ACSL4: variants seen among roughly 807,000 people sequenced by gnomAD.
The protein encoded by ACSL4 is acyl-CoA synthetase long chain family member 4, also known as long-chain-fatty-acid--CoA ligase 4.
Under a neutral mutation model 49.1 loss-of-function variants are expected in ACSL4, and 9 were observed. The observed-to-expected ratio is 0.18, with a 90% CI of 0.11 to 0.32. The LOEUF (loss-of-function observed/expected upper bound fraction) is 0.32, where lower values mean the gene tolerates loss of function less well. Ranked by LOEUF, ACSL4 falls within the 10% of genes least tolerant of loss-of-function variation. The pLI, the probability that ACSL4 is intolerant of heterozygous loss-of-function variation, is 1.00. For synonymous variants in ACSL4, 191 were observed against 170.3 expected (o/e 1.12, Z -0.95); for missense variants, 333 against 493.7 (o/e 0.67, Z 3.08).
chrX:109,674,263 C>A, intron 9 of ACSL4, 139 bp downstream of exon 9: 1 of 564,480 alleles, frequency 1.8e-6, no homozygotes, highest in Non-Finnish European at 3.0e-6. Context: ...TTAATGAACA[C>A]ATTTGCTGTG....
rs372250472 is a variant in ACSL4, at chrX:109,682,880, T to A, written c.245A>T (p.Tyr82Phe). ...KVFKKLILGNYKWMNYLEVNR... is the reference protein window; with the variant it reads ...KVFKKLILGNFKWMNYLEVNR... ...CACTTCAAGATAGTTCATCCATTTA[T>A]AATTCCCAAGAATTAACTGTTAAAG... The change falls in exon 4 of 16, where the codon TAT (tyrosine) becomes TTT (phenylalanine). Residue 82 changes from tyrosine to phenylalanine, a missense_variant. Transcript: ENST00000672401. 1.0e-4 allele frequency: 122 copies of A among 1,208,731 alleles called. No homozygotes were observed. Among genetic ancestry groups the A allele is most frequent in the Non-Finnish European group, 1.3e-4 (114 of 893,875 alleles).
chrX:109,646,029 C>T (rs1934674663), intron 15 of ACSL4, among the ~76,000 whole-genome samples: 2 of 111,641 alleles, frequency 1.8e-5, no homozygotes, highest in Admixed American at 9.5e-5. Flanking sequence ...TGTGAAAAGA[C>T]CAAATCTACA....
In ACSL4 at chrX:109,681,151, GAAAA is replaced by G. The variant is rs201395146; in HGVS notation, c.517-19_517-16del. The G allele has an allele frequency of 2.2e-5, 26 of 1,178,831 alleles. No homozygotes were observed. In the East Asian group the frequency reaches 6.4e-4, roughly 29 times the overall value. On this transcript the variant is annotated splice_polypyrimidine_tract_variant and intron_variant, in intron 5 of 15. Coordinates refer to ENST00000672401, the MANE Select transcript of ACSL4 (RefSeq NM_001318510.2). Reference sequence around the variant, plus strand: ...AACAATGCAGTCTGTTGAGCAGAAAGAAAAAAAAACAGCTATTAAACTTAAGCCT... The same window carrying G: ...AACAATGCAGTCTGTTGAGCAGAAAGAAAAACAGCTATTAAACTTAAGCCT...
At chrX:109,684,994 G>A (rs776173527) in intron 2 of ACSL4, among the ~76,000 whole-genome samples, 9 of 110,763 alleles carry the variant, frequency 8.1e-5, no homozygotes, top group Non-Finnish European at 1.7e-4. Flanking sequence ...ATTGGATTAT[G>A]TGGAAAGCTG....
At chrX:109,669,276 T>C (rs1922957464) in intron 9 of ACSL4, 103 bp from the exon 10 acceptor site, 7 of 584,600 alleles carry the variant, frequency 1.2e-5, no homozygotes, top group South Asian at 9.0e-5. Context: ...TTTAGCATAA[T>C]GGACATATTT....
At chrX:109,717,671 G>A (rs1483046280) in intron 1 of ACSL4, among the ~76,000 whole-genome samples, 1 of 110,945 alleles carries the variant, frequency 9.0e-6, no homozygotes, top group Non-Finnish European at 1.9e-5. Flanking sequence ...GGCAGTGCCG[G>A]TAAGAGCAAG....
chrX:109,674,264 A>G (rs1385109328), intron 9 of ACSL4, 138 bp downstream of exon 9: 11 of 565,498 alleles, frequency 1.9e-5, no homozygotes, highest in Non-Finnish European at 3.3e-5. Context: ...TAATGAACAC[A>G]TTTGCTGTGA....
At position 109,667,462 on chromosome X, in the gene ACSL4, C is replaced by G. The variant is rs368599459; in HGVS notation, c.1315+639G>C. Among the ~76,000 whole-genome samples, 25 of 112,674 alleles carry G rather than the reference C, an allele frequency of 2.2e-4. No homozygotes were observed. In the East Asian group the frequency reaches 4.7e-3, roughly 21 times the overall value. ...AGGGAAACCAAAGAAGAAGTTAGGA[C>G]AGGAACACAGATTTAAGAGGGAGCA... On this transcript the variant is annotated intron_variant, in intron 11 of 15. Coordinates refer to ENST00000672401, the MANE Select transcript of ACSL4 (RefSeq NM_001318510.2).
intron 1 of ACSL4, among the ~76,000 whole-genome samples, chrX:109,707,855 T>G (rs1253794454): frequency 2.7e-5 from 3 of 112,211 alleles, no homozygotes; most frequent in Non-Finnish European, 5.6e-5. Context: ...TGAAATTGGT[T>G]TAAGATGAAA....
chrX:109,722,051 G>A (rs1927603013), intron 1 of ACSL4, among the ~76,000 whole-genome samples: 1 of 112,009 alleles, frequency 8.9e-6, no homozygotes, highest in Admixed American at 9.5e-5. Context: ...GTATAGCTAT[G>A]TTGGGCCTTC....
At chrX:109,715,598 C>A (rs1927065171) in intron 1 of ACSL4, among the ~76,000 whole-genome samples, 2 of 110,537 alleles carry the variant, frequency 1.8e-5, no homozygotes, top group African/African-American at 6.6e-5. Context: ...TGAGATCATG[C>A]CACTGCACTC....
intron 2 of ACSL4, among the ~76,000 whole-genome samples, chrX:109,694,404 T>C (rs773131938): frequency 6.3e-5 from 7 of 111,930 alleles, no homozygotes; most frequent in Non-Finnish European, 1.1e-4. Flanking sequence ...TGGTAAGACC[T>C]GGAACAAATT....
At chrX:109,687,833 A>G (rs764554130) in intron 2 of ACSL4, among the ~76,000 whole-genome samples, 1 of 112,096 alleles carries the variant, frequency 8.9e-6, no homozygotes, top group South Asian at 3.7e-4. Context: ...TCTTCCTCTT[A>G]AATTCCATAG....
At chrX:109,680,117 T>C (rs1210990319) in intron 6 of ACSL4, among the ~76,000 whole-genome samples, 1 of 111,731 alleles carries the variant, frequency 9.0e-6, no homozygotes, top group East Asian at 2.8e-4. Context: ...TCCTCTCTTA[T>C]GACACAAATG....
chrX:109,659,644 G>C (rs1164239366), intron 14 of ACSL4, 133 bp from the exon 15 acceptor site: 1 of 467,169 alleles, frequency 2.1e-6, no homozygotes, highest in South Asian at 3.6e-5. Flanking sequence ...ATTAGGAAAT[G>C]ATAAAACCCA....
chrX:109,649,061 G>A (rs1193840995), intron 15 of ACSL4, among the ~76,000 whole-genome samples: 2 of 109,491 alleles, frequency 1.8e-5, no homozygotes, highest in Middle Eastern at 4.7e-3. Context: ...CCATGCTCAT[G>A]GGTAGGAAGA....
At chrX:109,716,708 T>G (rs1023883876) in intron 1 of ACSL4, among the ~76,000 whole-genome samples, 1 of 111,979 alleles carries the variant, frequency 8.9e-6, no homozygotes, top group African/African-American at 3.2e-5. Context: ...AAACAAGAAC[T>G]CTTAACAACA....
At chrX:109,693,477 T>G (rs1925193951) in intron 2 of ACSL4, among the ~76,000 whole-genome samples, 1 of 112,048 alleles carries the variant, frequency 8.9e-6, no homozygotes, top group African/African-American at 3.2e-5. Context: ...TAGCATTTCA[T>G]TTTGAGTATG....
chrX:109,718,076 A>G (rs946213414), intron 1 of ACSL4, among the ~76,000 whole-genome samples: 31 of 112,052 alleles, frequency 2.8e-4, no homozygotes, highest in African/African-American at 1.0e-3. Flanking sequence ...CAATTCTAAG[A>G]TTTGGTTTTC....
Sources: gnomAD v4.1 joint callset for allele counts (sites outside exome capture counted in the v4.1 genomes callset) on GRCh38, gnomAD v4.1.1 for gene constraint, MANE v1.5 for transcripts, NCBI Gene and HGNC (gene_info 2026-07-23, HGNC 2026-07-21) for gene names.